VPS8: variants seen among roughly 807,000 people sequenced by gnomAD.
The protein encoded by VPS8 is VPS8 subunit of CORVET complex.
In VPS8, 129 loss-of-function variants were observed where a neutral mutation model predicts 216.4. The observed-to-expected ratio is 0.60, with a 90% confidence interval of 0.52 to 0.69. The LOEUF (loss-of-function observed/expected upper bound fraction) is 0.69. VPS8 is among the 30% of genes least tolerant of loss of function. The pLI is 0.00. For missense variants in VPS8, 1,531 were observed against 1,683.5 expected, an observed-to-expected ratio of 0.91 and a Z score of 1.59; for synonymous variants, 571 against 565.4, an observed-to-expected ratio of 1.01 and a Z score of -0.14.
At chr3:184,942,642 G>A (rs1190492098) in intron 36 of VPS8, among the ~76,000 whole-genome samples, 4 of 152,130 alleles carry the variant, frequency 2.6e-5, no homozygotes, top group Non-Finnish European at 4.4e-5. Context: ...CAAAGACCGC[G>A]TGTTCTGCTT....
intron 42 of VPS8, among the ~76,000 whole-genome samples, chr3:184,986,461 G>A (rs1751085702): frequency 6.6e-6 from 1 of 152,168 alleles, no homozygotes; most frequent in Admixed American, 6.5e-5. Context: ...TCAGACACAA[G>A]GGGAGGGGAG....
intron 36 of VPS8, among the ~76,000 whole-genome samples, chr3:184,954,319 G>A (rs202063021): frequency 1.6e-4 from 24 of 152,252 alleles, no homozygotes; most frequent in South Asian, 2.1e-4. Flanking sequence ...TTATGTAGAC[G>A]TGATTGATTA....
At chr3:185,021,221 C>CCCAGATCTAGTATCTGGGGATCTAGT (rs1756612262) in intron 45 of VPS8, among the ~76,000 whole-genome samples, 3 of 152,168 alleles carry the variant, frequency 2.0e-5, no homozygotes, top group Non-Finnish European at 2.9e-5. Flanking sequence ...GTATATCATC[C>CCCAGATCTAGTATCTGGGGATCTAGT]GTATCCCCAG....
At chr3:184,860,375 A>G (rs775868281) in intron 15 of VPS8, among the ~76,000 whole-genome samples, 5 of 151,298 alleles carry the variant, frequency 3.3e-5, no homozygotes, top group Non-Finnish European at 5.9e-5. Context: ...GTGTGTGTGT[A>G]TATATATACG....
chr3:184,869,032 A>C lies in VPS8; in HGVS notation c.1593A>C (p.Val531=), dbSNP rs1166541772. The change falls in exon 19 of 48, where the codon GTA becomes GTC. Residue 531 remains valine (V), a synonymous_variant. Transcript: ENST00000625842. ...WSFHEGKAKA[V]VGLSGDASKR... ...TCCATGAAGGAAAAGCAAAAGCAGT[A>C]GTGGGTGAGTAGGCAGAATTCCAGT... 6.2e-7 allele frequency: 1 copy of C among 1,603,836 alleles called. No individual in the cohort carries two copies. The highest frequency in any genetic ancestry group is 1.1e-5 in the South Asian group (1 of 88,738).
chr3:184,872,916 A>G (rs1410882210), intron 21 of VPS8, among the ~76,000 whole-genome samples: 1 of 152,154 alleles, frequency 6.6e-6, no homozygotes, highest in Non-Finnish European at 1.5e-5. Context: ...TCTGCAAATC[A>G]CAGAACATCT....
intron 36 of VPS8, among the ~76,000 whole-genome samples, chr3:184,947,920 A>G (rs1321095558): frequency 6.6e-6 from 1 of 152,220 alleles, no homozygotes; most frequent in Non-Finnish European, 1.5e-5. Context: ...TCAGAAAGGT[A>G]GGAGAAAAAT....
At chr3:184,972,139 C>G (rs1748528799) in intron 40 of VPS8, among the ~76,000 whole-genome samples, 2 of 151,490 alleles carry the variant, frequency 1.3e-5, no homozygotes, top group South Asian at 4.2e-4. Context: ...CCACTGCCCT[C>G]TCAGCCACCC....
At chr3:184,840,722 TAATAA>T (rs1254545045) in intron 7 of VPS8, among the ~76,000 whole-genome samples, 2 of 151,734 alleles carry the variant, frequency 1.3e-5, no homozygotes, top group African/African-American at 4.8e-5. Context: ...AAAAAAATAA[TAATAA>T]TAATAAACAA....
intron 3 of VPS8, among the ~76,000 whole-genome samples, chr3:184,828,214 A>G (rs1181515629): frequency 6.6e-6 from 1 of 152,090 alleles, no homozygotes; most frequent in African/African-American, 2.4e-5. Flanking sequence ...ATCTTGGCTC[A>G]CTGCACCCTC....
chr3:184,888,919 G>T (rs1731807490), intron 22 of VPS8, among the ~76,000 whole-genome samples: 1 of 152,138 alleles, frequency 6.6e-6, no homozygotes, highest in Non-Finnish European at 1.5e-5. Context: ...TCATTATCTT[G>T]AATACTAGAA....
At chr3:185,046,469 G>A (rs1712937153) in intron 46 of VPS8, among the ~76,000 whole-genome samples, 1 of 152,164 alleles carries the variant, frequency 6.6e-6, no homozygotes, top group Admixed American at 6.5e-5. Flanking sequence ...ATGGTGGAGT[G>A]TGGCCTGAGG....
rs1722294895 is a variant in VPS8 at position 184,842,189 on chromosome 3, A to AAAAAAAAAAAAAAG, written c.536-1038_536-1037insGAAAAAAAAAAAAA. On this transcript the variant is annotated intron_variant, in intron 7 of 47. Transcript: ENST00000625842. ...GTGACAGAGCGAGACTCCGTCTCAA[A>AAAAAAAAAAAAAAG]AAAAAAAAAAAAAAAAAAAAGAATA... Among the ~76,000 whole-genome samples the AAAAAAAAAAAAAAG allele has an allele frequency of 1.4e-5, 2 of 145,546 alleles. 1 individual carries two copies. Among genetic ancestry groups the AAAAAAAAAAAAAAG allele is most frequent in the East Asian group, 4.1e-4 (2 of 4,892 alleles).
chr3:184,831,572 C>T (rs1346063842), intron 3 of VPS8, among the ~76,000 whole-genome samples: 1 of 152,162 alleles, frequency 6.6e-6, no homozygotes, highest in Non-Finnish European at 1.5e-5. Flanking sequence ...AGTTCCTCAT[C>T]CTGCTTTATC....
rs1378265871 is a variant in VPS8 at position 184,834,802 on chromosome 3, A to G, written c.447+60A>G. On this transcript the variant is annotated intron_variant, in intron 5 of 47. Transcript: ENST00000625842. ...CCTGCAATGGCATAATGAAGTAGGA[A>G]TGAGCATAGAACAAAATACAGCACT... 3.0e-6 allele frequency: 4 copies of G among 1,331,274 alleles called. No homozygotes were observed. In the Admixed American group the frequency reaches 6.5e-5, roughly 22 times the overall value. The allele number at this position is 1,331,274 out of a possible 1,614,324, so 82.5% of individuals were successfully genotyped here. A position where few individuals can be genotyped will look rare whatever the true frequency, so the allele number is the denominator to read the frequency against.
chr3:184,998,280 A>G (rs1752892062), intron 44 of VPS8, among the ~76,000 whole-genome samples: 1 of 152,106 alleles, frequency 6.6e-6, no homozygotes, highest in Non-Finnish European at 1.5e-5. Context: ...GACTAGAGAG[A>G]TCAAGGGGGA....
Position 184,996,357 on chromosome 3 carries a change from T to A in VPS8, c.3692T>A (p.Leu1231His). ...EQTLLETTTSLLNQDLHWSLC... is the reference protein window; with the variant it reads ...EQTLLETTTSHLNQDLHWSLC... The stretch of plus-strand genomic sequence containing the variant: ...ACCCTGCTGGAAACAACAACCAGCC[T>A]TCTAAACCAAGATCTCCATTGGTCA... The change falls in exon 44 of 48, where the codon CTT (leucine) becomes CAT (histidine). Residue 1231 changes from leucine (L) to histidine (H), a missense_variant. Physicochemically the swap from Leu to His is moderately conservative, Grantham distance 99. Coordinates refer to ENST00000625842, the MANE Select transcript of VPS8 (RefSeq NM_001009921.3). 1 of 1,613,004 alleles carries A rather than the reference T, an allele frequency of 6.2e-7. No individual in the cohort carries two copies.
intron 37 of VPS8, among the ~76,000 whole-genome samples, chr3:184,960,893 C>T (rs1162564170): frequency 6.6e-6 from 1 of 152,078 alleles, no homozygotes; most frequent in Non-Finnish European, 1.5e-5. Flanking sequence ...AAGTGGTAGC[C>T]CCTGAGATTG....
intron 29 of VPS8, 58 bp downstream of exon 29, chr3:184,920,256 T>C: frequency 8.6e-7 from 1 of 1,168,560 alleles, no homozygotes; most frequent in South Asian, 1.8e-5. Flanking sequence ...ATAGTTGAGC[T>C]GTTTTATAGC....
Sources: allele counts gnomAD v4.1 joint callset (sites outside exome capture counted in the v4.1 genomes callset), GRCh38; gene constraint gnomAD v4.1.1; transcripts MANE v1.5; gene names NCBI Gene and HGNC (gene_info 2026-07-23, HGNC 2026-07-21).